NPIPB2: variants seen among roughly 807,000 people sequenced by gnomAD.
The protein encoded by NPIPB2 is nuclear pore complex-interacting protein family member B2.
NPIPB2 carries 27 observed loss-of-function variants against 30.8 expected under a neutral mutation model. The observed-to-expected ratio is 0.88, with a 90% CI of 0.65 to 1.21. The LOEUF is 1.21. Among genes scored for constraint, NPIPB2 ranks in the 50% most tolerant of loss-of-function variants. The probability of loss-of-function intolerance (pLI) is 0.00; values close to 1 mark genes in which losing one functional copy is unlikely to be tolerated. For synonymous variants in NPIPB2, 147 were observed against 162.0 expected (o/e 0.91, Z 0.70); for missense variants, 440 against 446.2 (o/e 0.99, Z 0.13).
upstream of NPIPB2, among the ~76,000 whole-genome samples, chr16:11,945,484 AC>A (rs1177347328): frequency 6.6e-6 from 1 of 151,994 alleles, no homozygotes; most frequent in African/African-American, 2.4e-5. Context: ...GACCAGGCTG[AC>A]CACGAAGGTA....
intron 1 of NPIPB2, among the ~76,000 whole-genome samples, chr16:11,951,178 C>T (rs933222170): frequency 1.3e-5 from 2 of 151,726 alleles, no homozygotes; most frequent in African/African-American, 2.4e-5. Context: ...ATTACTCGGC[C>T]GGGCGCAGTG....
chr16:11,938,043 C>T (rs913013555), intron 1 of NPIPB2, among the ~76,000 whole-genome samples: 2 of 152,204 alleles, frequency 1.3e-5, no homozygotes, highest in Non-Finnish European at 2.9e-5. Context: ...AGACAGAGTT[C>T]CGCTCCACTC....
chr16:11,962,801 G>T (rs2055163678), intron 1 of NPIPB2, among the ~76,000 whole-genome samples: 1 of 151,952 alleles, frequency 6.6e-6, no homozygotes, highest in Admixed American at 6.6e-5. Context: ...GGGCGCGGTG[G>T]CTCACACCTG....
chr16:11,951,670 A>C (rs2055066682), intron 1 of NPIPB2, among the ~76,000 whole-genome samples: 1 of 145,524 alleles, frequency 6.9e-6, no homozygotes, highest in Admixed American at 7.0e-5. Context: ...ACACACACCC[A>C]GCCCCCAAAC....
chr16:11,950,714 C>T (rs1267178938), intron 1 of NPIPB2, among the ~76,000 whole-genome samples: 4 of 152,092 alleles, frequency 2.6e-5, no homozygotes, highest in African/African-American at 9.7e-5. Flanking sequence ...TCCTCTCATC[C>T]TCCCTTCCTT....
At chr16:11,966,419 G>A in intron 1 of NPIPB2, 1 of 1,448,928 alleles carries the variant, frequency 6.9e-7, no homozygotes. Flanking sequence ...TCTTTTTTTA[G>A]CGTTGACTAT....
chr16:11,943,479 G>A (rs1310634462), upstream of NPIPB2, among the ~76,000 whole-genome samples: 2 of 151,990 alleles, frequency 1.3e-5, no homozygotes, highest in Admixed American at 6.6e-5. Flanking sequence ...TGAGGCAGGC[G>A]GATCACGAGG....
chr16:11,959,467 G>A (rs1345978986), intron 1 of NPIPB2, among the ~76,000 whole-genome samples: 2 of 151,882 alleles, frequency 1.3e-5, no homozygotes, highest in Non-Finnish European at 2.9e-5. Flanking sequence ...GCGTACTATC[G>A]TAGTCCTAGC....
chr16:11,973,163 A>AG (rs2055246408), intron 1 of NPIPB2, among the ~76,000 whole-genome samples: 2 of 3,410 alleles, frequency 5.9e-4, no homozygotes, highest in South Asian at 0.014. Context: ...TGAAACTGTC[A>AG]AAAAAAAAAA....
intron 1 of NPIPB2, among the ~76,000 whole-genome samples, chr16:11,961,020 G>T (rs566144453): frequency 1.3e-5 from 2 of 151,636 alleles, no homozygotes; most frequent in Non-Finnish European, 2.9e-5. Flanking sequence ...ACGCCACCAC[G>T]CTTGGCTAAT....
intron 1 of NPIPB2, among the ~76,000 whole-genome samples, chr16:11,974,956 T>C (rs2055261909): frequency 1.3e-5 from 2 of 151,392 alleles, no homozygotes; most frequent in Admixed American, 1.3e-4. Context: ...GAGCCTGTAG[T>C]CCCAGCTACT....
intron 1 of NPIPB2, among the ~76,000 whole-genome samples, chr16:11,941,607 A>C (rs71388718): frequency 0.48 from 71,795 of 151,060 alleles, 17,985 homozygotes; most frequent in East Asian, 0.74. Context: ...TTAGAGGGAG[A>C]CAAAGGTTCT....
chr16:11,934,480 C>A (rs1261990804), intron 2 of NPIPB2, among the ~76,000 whole-genome samples: 1 of 142,150 alleles, frequency 7.0e-6, no homozygotes, highest in Non-Finnish European at 1.5e-5. Flanking sequence ...TTGAACCCAG[C>A]AGGAAAAGGT....
upstream of NPIPB2, among the ~76,000 whole-genome samples, chr16:11,943,310 C>G (rs1401940765): frequency 2.0e-5 from 3 of 152,134 alleles, no homozygotes; most frequent in Non-Finnish European, 4.4e-5. Context: ...CAGAGCGAGA[C>G]TCTGTCTCAA....
intron 1 of NPIPB2, among the ~76,000 whole-genome samples, chr16:11,951,442 C>T (rs2055060962): frequency 6.0e-5 from 6 of 100,800 alleles, no homozygotes; most frequent in African/African-American, 2.0e-4. Flanking sequence ...CCAGCCTGGG[C>T]GACAGACAAG....
intron 1 of NPIPB2, chr16:11,966,179 T>C (rs375442147): frequency 2.5e-6 from 4 of 1,602,332 alleles, no homozygotes; most frequent in Non-Finnish European, 3.4e-6. Flanking sequence ...ATCTGTCTGA[T>C]GTTCTTTTCA....
intron 1 of NPIPB2, among the ~76,000 whole-genome samples, chr16:11,938,136 A>C (rs2054892186): frequency 6.6e-6 from 1 of 151,776 alleles, no homozygotes; most frequent in Admixed American, 6.6e-5. Flanking sequence ...CTCCTCCCTC[A>C]GCCTCCCGAG....
At chr16:11,944,312 G>A (rs1216882351), upstream of NPIPB2, among the ~76,000 whole-genome samples, 2 of 151,510 alleles carry the variant, frequency 1.3e-5, no homozygotes, top group African/African-American at 2.4e-5. Flanking sequence ...GACTATAGGC[G>A]CGTGCCACCA....
Position 11,976,435 on chromosome 16 carries a change from T to C in NPIPB2, c.-584+133A>G, listed in dbSNP as rs1004106387. The C allele has an allele frequency of 4.2e-5, 10 of 239,490 alleles. No homozygotes were observed. In the Admixed American group the frequency reaches 5.7e-4, roughly 14 times the overall value. The allele number at this position is 239,490 out of a possible 1,614,324, so 14.8% of individuals were successfully genotyped here. On this transcript the variant is annotated intron_variant, in intron 1 of 5. Transcript: ENST00000538896. ...CCACGCTTTGTCCCGTTCCTCTATT[T>C]TTATTTCCTTTCCCGCTCGCATCCC...
Sources: gnomAD v4.1 joint callset for allele counts (sites outside exome capture counted in the v4.1 genomes callset) on GRCh38, gnomAD v4.1.1 for gene constraint, MANE v1.5 for transcripts, NCBI Gene and HGNC (gene_info 2026-07-23, HGNC 2026-07-21) for gene names.